ZNF555: variants seen among roughly 807,000 people sequenced by gnomAD.
ZNF555 encodes the protein zinc finger protein 555.
ZNF555 carries 10 observed loss-of-function variants against 14.0 expected under a neutral mutation model. The ratio of observed to expected loss-of-function variants is 0.72; its 90% CI spans 0.44 to 1.21. ZNF555 has a LOEUF of 1.21. Ranked by LOEUF, ZNF555 falls within the 50% of genes most tolerant of loss-of-function variation. The probability of loss-of-function intolerance (pLI) is 0.00; values close to 1 mark genes in which losing one functional copy is unlikely to be tolerated. For missense variants in ZNF555, 747 were observed against 762.0 expected (o/e 0.98, Z 0.23); for synonymous variants, 277 against 262.4 (o/e 1.06, Z -0.54).
Position 2,846,772 on chromosome 19 carries a change from G to A in ZNF555, c.4-3815G>A, listed in dbSNP as rs1234692468. On this transcript the variant is annotated intron_variant, in intron 1 of 3. Transcript: ENST00000334241. Reference sequence around the variant, plus strand: ...AGTTGCAAGCAAGAGTTTCCTAAGCGCTTTTGGTCTCGTGAATCTTAGAGT... The same window carrying A: ...AGTTGCAAGCAAGAGTTTCCTAAGCACTTTTGGTCTCGTGAATCTTAGAGT... 4.6e-5 allele frequency among the ~76,000 whole-genome samples: 7 copies of A among 152,190 alleles called. No homozygotes were observed. The South Asian group carries it at 6.2e-4, about 14-fold the overall frequency.
intron 1 of ZNF555, among the ~76,000 whole-genome samples, chr19:2,845,435 G>GT (rs936968379): frequency 6.6e-6 from 1 of 152,152 alleles, no homozygotes; most frequent in Non-Finnish European, 1.5e-5. Context: ...CAAGTGATGT[G>GT]TTTTTTGGTA....
rs759813515 is a variant in ZNF555 at position 2,851,661 on chromosome 19, A to G, written c.314+10A>G. The G allele has an allele frequency of 6.4e-7, 1 of 1,551,574 alleles. No homozygotes were observed. The highest frequency in any genetic ancestry group is 8.7e-7 in the Non-Finnish European group (1 of 1,153,788). On this transcript the variant is annotated intron_variant, in intron 3 of 3. Coordinates refer to ENST00000334241, the MANE Select transcript of ZNF555 (RefSeq NM_152791.5). The stretch of plus-strand genomic sequence containing the variant: ...AGGGGAGAAATCTCAGGTGAGTTGC[A>G]CTCACAAGAGAACATAGTATTTCAG...
At chr19:2,842,092 G>T (rs1455250864) in intron 1 of ZNF555, among the ~76,000 whole-genome samples, 1 of 152,052 alleles carries the variant, frequency 6.6e-6, no homozygotes, top group African/African-American at 2.4e-5. Context: ...CTCCTTGGAG[G>T]CCCCGCGCCT....
chr19:2,849,710 A>G (rs1441939382), intron 1 of ZNF555, among the ~76,000 whole-genome samples: 1 of 149,092 alleles, frequency 6.7e-6, no homozygotes, highest in Non-Finnish European at 1.5e-5. Context: ...CTGGTTTTGA[A>G]CTCCTGACCT....
chr19:2,844,536 C>T (rs1339135648), intron 1 of ZNF555, among the ~76,000 whole-genome samples: 1 of 152,260 alleles, frequency 6.6e-6, no homozygotes, highest in African/African-American at 2.4e-5. Flanking sequence ...ACCATGCCCC[C>T]AACCAGGGTG....
At chr19:2,851,120 C>A (rs2087626017) in intron 2 of ZNF555, among the ~76,000 whole-genome samples, 1 of 151,762 alleles carries the variant, frequency 6.6e-6, no homozygotes, top group African/African-American at 2.4e-5. Context: ...GCCTCAGGCG[C>A]CCAAGTAGCT....
rs2087688712 is a variant in ZNF555 at position 2,857,023 on chromosome 19, C to T, written c.*3071C>T. 1 of 152,150 alleles carries T rather than the reference C, an allele frequency of 6.6e-6. No homozygotes were observed. The highest frequency in any genetic ancestry group is 1.5e-5 in the Non-Finnish European group (1 of 68,032). The allele number at this position is 152,150 out of a possible 1,614,324, so 9.4% of individuals were successfully genotyped here. The stretch of plus-strand genomic sequence containing the variant: ...GGCAGAAGCTTTTGTTTTAATGAGC[C>T]AGAAAGCCCCAAAAGCCTATTTAAG... On this transcript the variant is annotated 3_prime_UTR_variant, in exon 4 of 4. Coordinates refer to ENST00000334241, the MANE Select transcript of ZNF555 (RefSeq NM_152791.5).
chr19:2,851,635 C>T lies in ZNF555; in HGVS notation c.298C>T (p.Gln100Ter). 1 of 1,584,132 alleles carries T rather than the reference C, an allele frequency of 6.3e-7. No homozygotes were observed. The highest frequency in any genetic ancestry group is 2.3e-5 in the East Asian group (1 of 43,800). ...TAGCATCGAAGATCAAACCACAAAC[C>T]AGGGGAGAAATCTCAGGTGAGTTGC... is the stretch of plus-strand genomic sequence containing the variant. ...SLSIEDQTTN[Q>*]GRNLSRNHGL... is the part of the protein sequence containing the mutation. Residue 100 changes from glutamine (Q) to a stop codon, truncating the protein, a stop_gained, in exon 3 of 4, where the codon CAG becomes TAG. Coordinates refer to ENST00000334241, the MANE Select transcript of ZNF555 (RefSeq NM_152791.5). LOFTEE classifies it low-confidence loss of function (END_TRUNC).
At chr19:2,841,599 C>G in intron 1 of ZNF555, 24 bp downstream of exon 1, 1 of 1,519,628 alleles carries the variant, frequency 6.6e-7, no homozygotes, top group Non-Finnish European at 8.8e-7. Context: ...AGGAGAGGAT[C>G]CCGGTGCGGG....
chr19:2,850,481 T>C (rs1037019426), intron 1 of ZNF555, 106 bp from the exon 2 acceptor site: 5 of 1,481,898 alleles, frequency 3.4e-6, no homozygotes, highest in Non-Finnish European at 4.6e-6. Flanking sequence ...ACAGGGTAGA[T>C]GTCAGGGAAT....
At chr19:2,849,444 G>T (rs1254492380) in intron 1 of ZNF555, among the ~76,000 whole-genome samples, 1 of 150,916 alleles carries the variant, frequency 6.6e-6, no homozygotes, top group African/African-American at 2.4e-5. Context: ...CCTTTGCAAA[G>T]TGGGACTCTT....
At chr19:2,850,443 A>G in intron 1 of ZNF555, 144 bp from the exon 2 acceptor site, 1 of 1,136,610 alleles carries the variant, frequency 8.8e-7, no homozygotes, top group Non-Finnish European at 1.2e-6. Context: ...GAGTGTAGAC[A>G]GGAAGGAAGA....
At position 2,841,522 on chromosome 19, in the gene ZNF555, C is replaced by A. The variant is rs572857441; in HGVS notation, c.-51C>A. 1.3e-6 allele frequency: 2 copies of A among 1,545,140 alleles called. No individual in the cohort carries two copies. Among genetic ancestry groups the A allele is most frequent in the East Asian group, 2.5e-5 (1 of 39,918 alleles). On this transcript the variant is annotated 5_prime_UTR_variant, in exon 1 of 4. Coordinates refer to ENST00000334241, the MANE Select transcript of ZNF555 (RefSeq NM_152791.5). Reference sequence around the variant, plus strand: ...CTGCCCCTAGCGGTCCCTGGCGTCCCGGTTCCTGTCGCGCTCACCTGCGCC... The same window carrying A: ...CTGCCCCTAGCGGTCCCTGGCGTCCAGGTTCCTGTCGCGCTCACCTGCGCC...
At position 2,853,131 on chromosome 19, in the gene ZNF555, C is replaced by G. The variant is rs267605399; in HGVS notation, c.1066C>G (p.Arg356Gly). ...GKTFIYLQSFRRHERIHTGEK... is the reference protein window; with the variant it reads ...GKTFIYLQSFGRHERIHTGEK... Reference sequence around the variant, plus strand: ...AACCTTCATTTATCTCCAGTCCTTTCGAAGACATGAAAGGATTCACACTGG... The same window carrying G: ...AACCTTCATTTATCTCCAGTCCTTTGGAAGACATGAAAGGATTCACACTGG... Residue 356 changes from arginine (R) to glycine (G), a missense_variant, in exon 4 of 4, where the codon CGA (arginine) becomes GGA (glycine). Arg to Gly is a moderately radical substitution (Grantham distance 125). Coordinates refer to ENST00000334241, the MANE Select transcript of ZNF555 (RefSeq NM_152791.5). 4 of 1,613,958 alleles carry G rather than the reference C, an allele frequency of 2.5e-6. No homozygotes were observed. In the African/African-American group the frequency reaches 5.3e-5, roughly 22 times the overall value.
In ZNF555 at chr19:2,854,602, A is replaced by C. The variant is rs532841634; in HGVS notation, c.*650A>C. ...ATGAAATTTAGAATGAAGAAGAAGT[A>C]AGTCATCGCTGAGCTTTTGGGGTCA... On this transcript the variant is annotated 3_prime_UTR_variant, in exon 4 of 4. Transcript: ENST00000334241. 6.5e-6 allele frequency: 1 copy of C among 153,250 alleles called. No homozygotes were observed. The highest frequency in any genetic ancestry group is 2.0e-4 in the South Asian group (1 of 4,892). The allele number at this position is 153,250 out of a possible 1,614,324, so 9.5% of individuals were successfully genotyped here.
Position 2,853,515 on chromosome 19 carries a change from C to T in ZNF555, c.1450C>T (p.Leu484=). Residue 484 remains leucine, a synonymous_variant, in exon 4 of 4, where the codon CTA becomes TTA. Coordinates refer to ENST00000334241, the MANE Select transcript of ZNF555 (RefSeq NM_152791.5). Reference sequence around the variant, plus strand: ...TGAAGACAAATCCTATGAATGCAAGCTATGTGGGAAAGCTTTCTATTGCCA... The same window carrying T: ...TGAAGACAAATCCTATGAATGCAAGTTATGTGGGAAAGCTTTCTATTGCCA... ...HPEDKSYECK[L]CGKAFYCHIS... 2 of 1,614,054 alleles carry T rather than the reference C, an allele frequency of 1.2e-6. No homozygotes were observed. Among genetic ancestry groups the T allele is most frequent in the Non-Finnish European group, 8.5e-7 (1 of 1,180,016 alleles).
At position 2,854,257 on chromosome 19, in the gene ZNF555, G is replaced by A. The variant is rs996004468; in HGVS notation, c.*305G>A. 1.1e-5 allele frequency: 3 copies of A among 276,342 alleles called. No homozygotes were observed. The highest frequency in any genetic ancestry group is 2.0e-5 in the Non-Finnish European group (3 of 147,244). The allele number at this position is 276,342 out of a possible 1,614,324, so 17.1% of individuals were successfully genotyped here. On this transcript the variant is annotated 3_prime_UTR_variant, in exon 4 of 4. Coordinates refer to ENST00000334241, the MANE Select transcript of ZNF555 (RefSeq NM_152791.5). Reference sequence around the variant, plus strand: ...TTATATTTTCCACCTTTTTTACTGGGAGTATTTTTATTGTTTGGCCAGAGG... The same window carrying A: ...TTATATTTTCCACCTTTTTTACTGGAAGTATTTTTATTGTTTGGCCAGAGG...
chr19:2,842,322 C>T (rs537418052), intron 1 of ZNF555, among the ~76,000 whole-genome samples: 1 of 152,320 alleles, frequency 6.6e-6, no homozygotes, highest in East Asian at 1.9e-4. Flanking sequence ...GGTTCCTGGT[C>T]CCTGGGCTCT....
intron 1 of ZNF555, among the ~76,000 whole-genome samples, chr19:2,843,396 C>T (rs2087555228): frequency 6.6e-6 from 1 of 152,132 alleles, no homozygotes; most frequent in South Asian, 2.1e-4. Flanking sequence ...AACTCCTGAG[C>T]TCAGGTGATT....
Sources: gnomAD v4.1 joint callset for allele counts (sites outside exome capture counted in the v4.1 genomes callset) on GRCh38, gnomAD v4.1.1 for gene constraint, MANE v1.5 for transcripts, NCBI Gene and HGNC (gene_info 2026-07-23, HGNC 2026-07-21) for gene names.